The following FHIP1A variants were observed in gnomAD, a reference collection of about 807,000 sequenced individuals.
FHIP1A encodes FHF complex subunit HOOK-interacting protein 1A.
FHIP1A carries 61 observed loss-of-function variants against 88.6 expected under a neutral mutation model. The observed-to-expected ratio is 0.69, with a 90% CI of 0.56 to 0.85. The LOEUF (loss-of-function observed/expected upper bound fraction) is 0.85, where lower values mean the gene tolerates loss of function less well. FHIP1A is among the 40% of genes least tolerant of loss of function. The pLI is 0.00. For synonymous variants in FHIP1A, 478 were observed against 496.0 expected, an observed-to-expected ratio of 0.96 and a Z score of 0.48; for missense variants, 1,154 against 1,273.5, an observed-to-expected ratio of 0.91 and a Z score of 1.43.
rs1021248667 is a variant in FHIP1A at position 151,649,773 on chromosome 4, G to A, written c.1732G>A (p.Glu578Lys). ...AAAGGACAAGAGCCAGACAGAGCTG[G>A]AATGGGATGACAGCTATGACACTGG... ...PRKDKSQTEL[E>K]WDDSYDTGIS... Residue 578 changes from glutamate (E) to lysine (K), a missense_variant, in exon 11 of 14, where the codon GAA (glutamate) becomes AAA (lysine). Glu to Lys is a moderately conservative substitution (Grantham distance 56, BLOSUM62 1). Coordinates refer to ENST00000435205, the MANE Select transcript of FHIP1A (RefSeq NM_001109977.3). The A allele has an allele frequency of 9.7e-6, 15 of 1,551,584 alleles. No homozygotes were observed. The highest frequency in any genetic ancestry group is 1.7e-4 in the Middle Eastern group (1 of 6,014).
At chr4:151,596,476 C>G (rs1260305953) in intron 7 of FHIP1A, among the ~76,000 whole-genome samples, 1 of 152,066 alleles carries the variant, frequency 6.6e-6, no homozygotes, top group Non-Finnish European at 1.5e-5. Flanking sequence ...ATTTCAGCCT[C>G]GGTGAATCTG....
intron 2 of FHIP1A, among the ~76,000 whole-genome samples, chr4:151,477,778 CACCGAGGT>C (rs551195528): frequency 7.6e-4 from 115 of 152,258 alleles, no homozygotes; most frequent in Non-Finnish European, 1.3e-3. Flanking sequence ...ATTACAACTA[CACCGAGGT>C]ACCATTTATC....
chr4:151,553,309 T>C (rs1209740274), intron 3 of FHIP1A, among the ~76,000 whole-genome samples: 3 of 152,196 alleles, frequency 2.0e-5, no homozygotes, highest in African/African-American at 7.2e-5. Flanking sequence ...TAATTTAAAT[T>C]GTATAAAAAC....
rs373767678 is a variant in FHIP1A at position 151,452,703 on chromosome 4, G to C, written c.-355-1998G>C. On this transcript the variant is annotated intron_variant, in intron 1 of 13. Coordinates refer to ENST00000435205, the MANE Select transcript of FHIP1A (RefSeq NM_001109977.3). Reference sequence around the variant, plus strand: ...GAGGCATGAGAATTGCTTGAACCCAGTAGGCAGAGGTTGCAGTGAGCAGAG... The same window carrying C: ...GAGGCATGAGAATTGCTTGAACCCACTAGGCAGAGGTTGCAGTGAGCAGAG... Among the ~76,000 whole-genome samples, 12 of 151,816 alleles carry C rather than the reference G, an allele frequency of 7.9e-5. 2 individuals carry two copies. In the South Asian group the frequency reaches 2.5e-3, roughly 32 times the overall value.
chr4:151,633,240 A>G (rs1346884541), intron 8 of FHIP1A, among the ~76,000 whole-genome samples: 1 of 151,950 alleles, frequency 6.6e-6, no homozygotes, highest in Non-Finnish European at 1.5e-5. Flanking sequence ...CATATAGCCT[A>G]TCAAGGCTGA....
At chr4:151,449,713 A>T (rs1728728302) in intron 1 of FHIP1A, among the ~76,000 whole-genome samples, 1 of 152,074 alleles carries the variant, frequency 6.6e-6, no homozygotes, top group Non-Finnish European at 1.5e-5. Context: ...AGGAGGTGGC[A>T]TCTTAATACT....
At chr4:151,410,295 C>T (rs1011504394) in intron 1 of FHIP1A, among the ~76,000 whole-genome samples, 2 of 152,182 alleles carry the variant, frequency 1.3e-5, no homozygotes, top group Non-Finnish European at 2.9e-5. Flanking sequence ...GACAGGGAAA[C>T]CCCCCTGAAG....
In FHIP1A at chr4:151,608,016, CTTTTCTTTTTCT is replaced by C. The variant is rs1735141826; in HGVS notation, c.978+19093_978+19104del. Among the ~76,000 whole-genome samples the C allele has an allele frequency of 4.0e-3, 402 of 101,312 alleles. 1 individual carries two copies. Among genetic ancestry groups the C allele is most frequent in the Non-Finnish European group, 5.8e-3 (258 of 44,798 alleles). 66.5% of individuals were successfully genotyped at this position (101,312 alleles called of 152,430 possible). A position where few individuals can be genotyped will look rare whatever the true frequency, so the allele number is the denominator to read the frequency against. ...ACTTTTGATTTTCTTTTTCTTTTTTCTTTTCTTTTTCTTTCTTCTTCTTTTTTTTTTTTTTTT... is the reference window on the plus strand; with the variant it reads ...ACTTTTGATTTTCTTTTTCTTTTTTCTTCTTCTTCTTTTTTTTTTTTTTTT... On this transcript the variant is annotated intron_variant, in intron 7 of 13. Transcript: ENST00000435205.
intron 3 of FHIP1A, among the ~76,000 whole-genome samples, chr4:151,486,436 A>G (rs1038909826): frequency 1.3e-5 from 2 of 152,160 alleles, no homozygotes; most frequent in East Asian, 3.9e-4. Context: ...ATTTTGATTC[A>G]ATACGTCTTG....
At chr4:151,646,829 A>G in intron 10 of FHIP1A, 81 bp downstream of exon 10, 1 of 944,110 alleles carries the variant, frequency 1.1e-6, no homozygotes, top group East Asian at 2.7e-5. Context: ...CTTTGGGTAG[A>G]CAGGGAATTA....
intron 7 of FHIP1A, among the ~76,000 whole-genome samples, chr4:151,592,387 G>A (rs2126814082): frequency 6.6e-6 from 1 of 152,264 alleles, no homozygotes; most frequent in East Asian, 1.9e-4. Flanking sequence ...ACCCGCCTCA[G>A]CCTCCCAAAG....
At chr4:151,629,626 C>A in intron 7 of FHIP1A, 76 bp from the exon 8 acceptor site, 1 of 1,358,020 alleles carries the variant, frequency 7.4e-7, no homozygotes, top group Non-Finnish European at 1.0e-6. Context: ...TGTGGTGAGG[C>A]TGGGGGCCAC....
intron 3 of FHIP1A, among the ~76,000 whole-genome samples, chr4:151,491,037 A>C (rs1467985946): frequency 1.3e-5 from 2 of 152,112 alleles, no homozygotes; most frequent in African/African-American, 4.8e-5. Flanking sequence ...CCTAAGGAAG[A>C]AGAAAAATCT....
At chr4:151,457,498 G>T (rs1399756092) in intron 2 of FHIP1A, among the ~76,000 whole-genome samples, 1 of 152,146 alleles carries the variant, frequency 6.6e-6, no homozygotes, top group Non-Finnish European at 1.5e-5. Flanking sequence ...TGTTTTAGAA[G>T]AACCTCACAA....
intron 6 of FHIP1A, 43 bp downstream of exon 6, chr4:151,586,842 C>G: frequency 7.0e-7 from 1 of 1,418,990 alleles, no homozygotes; most frequent in Non-Finnish European, 9.6e-7. Flanking sequence ...TGGCTTCATT[C>G]AGAGCACAAG....
At chr4:151,451,288 T>C (rs910294314) in intron 1 of FHIP1A, among the ~76,000 whole-genome samples, 1 of 152,158 alleles carries the variant, frequency 6.6e-6, no homozygotes, top group Admixed American at 6.6e-5. Context: ...TTCAACTTTA[T>C]TTATTTTTGC....
intron 7 of FHIP1A, among the ~76,000 whole-genome samples, chr4:151,615,389 C>G (rs948635478): frequency 1.3e-5 from 2 of 152,128 alleles, no homozygotes; most frequent in African/African-American, 2.4e-5. Flanking sequence ...ATCCTAATAC[C>G]TACCTACCAT....
At chr4:151,574,174 G>A (rs1733698895) in intron 4 of FHIP1A, among the ~76,000 whole-genome samples, 1 of 152,340 alleles carries the variant, frequency 6.6e-6, no homozygotes, top group South Asian at 2.1e-4. Flanking sequence ...AGCCTTGTGT[G>A]TTCCATGACT....
intron 1 of FHIP1A, among the ~76,000 whole-genome samples, chr4:151,429,324 A>G (rs1195327245): frequency 6.6e-6 from 1 of 152,246 alleles, no homozygotes; most frequent in African/African-American, 2.4e-5. Flanking sequence ...TGAATGAATA[A>G]CATGAAAGAA....
Sources: gnomAD v4.1 joint callset for allele counts (sites outside exome capture counted in the v4.1 genomes callset) on GRCh38, gnomAD v4.1.1 for gene constraint, MANE v1.5 for transcripts, NCBI Gene and HGNC (gene_info 2026-07-23, HGNC 2026-07-21) for gene names.